Variants in NCAM1 observed in about 807,000 individuals in gnomAD.
The protein encoded by NCAM1 is antigen recognized by monoclonal antibody 5.1H11.
Under a neutral mutation model 109.8 loss-of-function variants are expected in NCAM1, and 14 were observed. The ratio of observed to expected loss-of-function variants is 0.13; its 90% CI spans 0.08 to 0.20. The LOEUF (loss-of-function observed/expected upper bound fraction) is 0.20. Among genes scored for constraint, NCAM1 ranks in the 10% least tolerant of loss-of-function variants. The pLI, the probability that NCAM1 is intolerant of heterozygous loss-of-function variation, is 1.00. For synonymous variants in NCAM1, 418 were observed against 442.9 expected (o/e 0.94, Z 0.70); for missense variants, 774 against 1,109.9 (o/e 0.70, Z 4.30).
chr11:112,985,188 A>C (rs1399230543), intron 1 of NCAM1, among the ~76,000 whole-genome samples: 1 of 150,554 alleles, frequency 6.6e-6, no homozygotes, highest in East Asian at 1.9e-4. Flanking sequence ...CACATAATGC[A>C]TGTAATGCCA....
At chr11:112,986,514 A>G (rs1951309815) in intron 1 of NCAM1, among the ~76,000 whole-genome samples, 1 of 152,082 alleles carries the variant, frequency 6.6e-6, no homozygotes, top group Non-Finnish European at 1.5e-5. Flanking sequence ...TGTTTGGTAG[A>G]ATTCACCATT....
At chr11:112,999,972 C>T (rs139915593) in intron 1 of NCAM1, among the ~76,000 whole-genome samples, 2 of 152,268 alleles carry the variant, frequency 1.3e-5, no homozygotes, top group East Asian at 3.9e-4. Flanking sequence ...TGTCCTGGTA[C>T]ACTTTCTATT....
chr11:112,975,390 G>A (rs1370215499), intron 1 of NCAM1, among the ~76,000 whole-genome samples: 2 of 151,958 alleles, frequency 1.3e-5, no homozygotes, highest in Non-Finnish European at 2.9e-5. Flanking sequence ...GGAATTGGAG[G>A]TGAAAGATGA....
intron 1 of NCAM1, among the ~76,000 whole-genome samples, chr11:113,123,882 C>T (rs1941072341): frequency 6.6e-6 from 1 of 152,186 alleles, no homozygotes; most frequent in Non-Finnish European, 1.5e-5. Context: ...GGGAAGCTCG[C>T]TCATCCTAGC....
chr11:112,994,301 C>T (rs1488256066), intron 1 of NCAM1, among the ~76,000 whole-genome samples: 3 of 152,194 alleles, frequency 2.0e-5, no homozygotes, highest in African/African-American at 7.2e-5. Context: ...GAAGGCATTA[C>T]TCATGATCTT....
chr11:113,014,707 A>C (rs1952164370), intron 1 of NCAM1, among the ~76,000 whole-genome samples: 1 of 152,226 alleles, frequency 6.6e-6, no homozygotes, highest in Non-Finnish European at 1.5e-5. Context: ...CTGTCTCCAT[A>C]GTATTGGAAA....
intron 16 of NCAM1, among the ~76,000 whole-genome samples, chr11:113,259,650 C>T (rs574380428): frequency 6.6e-6 from 1 of 151,172 alleles, no homozygotes; most frequent in African/African-American, 2.4e-5. Flanking sequence ...ACCTCCTGAC[C>T]TGTGCAATTT....
chr11:113,271,990 G>A (rs533646498), intron 19 of NCAM1, 114 bp downstream of exon 19: 235 of 718,844 alleles, frequency 3.3e-4, no homozygotes, highest in Non-Finnish European at 5.0e-4. Flanking sequence ...AACAGTTCAG[G>A]CCAGGATTCC....
intron 19 of NCAM1, among the ~76,000 whole-genome samples, chr11:113,272,228 G>A (rs1263925932): frequency 6.6e-6 from 1 of 152,072 alleles, no homozygotes; most frequent in African/African-American, 2.4e-5. Context: ...GAAATTCTAG[G>A]GTTTTGTGTT....
At chr11:113,077,269 C>T (rs186885172) in intron 1 of NCAM1, among the ~76,000 whole-genome samples, 5 of 152,186 alleles carry the variant, frequency 3.3e-5, no homozygotes, top group African/African-American at 7.2e-5. Context: ...CAAGGGAGTC[C>T]GTCAGCAAAG....
intron 1 of NCAM1, 47 bp from the exon 2 acceptor site, chr11:113,202,332 G>GTTT: frequency 1.4e-6 from 2 of 1,383,902 alleles, no homozygotes; most frequent in Admixed American, 2.1e-5. Context: ...AACTTTGTGG[G>GTTT]TTTTTTTTTG....
chr11:113,194,598 G>A (rs1307023854), intron 1 of NCAM1, among the ~76,000 whole-genome samples: 2 of 152,182 alleles, frequency 1.3e-5, no homozygotes, highest in African/African-American at 2.4e-5. Flanking sequence ...TGTATGGCTT[G>A]TCTTTATACC....
intron 1 of NCAM1, among the ~76,000 whole-genome samples, chr11:113,157,622 G>A (rs1027701194): frequency 4.6e-5 from 7 of 151,688 alleles, no homozygotes; most frequent in African/African-American, 9.7e-5. Context: ...TTATTCTGTC[G>A]GCTTTCTGAA....
chr11:113,164,882 T>C (rs1942732969), intron 1 of NCAM1, among the ~76,000 whole-genome samples: 1 of 152,138 alleles, frequency 6.6e-6, no homozygotes, highest in African/African-American at 2.4e-5. Context: ...TGCTCCAACC[T>C]TCTAATCATG....
intron 1 of NCAM1, among the ~76,000 whole-genome samples, chr11:113,146,601 G>A (rs1285300288): frequency 2.0e-5 from 3 of 152,198 alleles, no homozygotes; most frequent in African/African-American, 7.2e-5. Context: ...ATCTTTGAAT[G>A]TGAACTTGCT....
At chr11:113,272,961 G>A (rs782084418) in intron 19 of NCAM1, 6 of 456,622 alleles carry the variant, frequency 1.3e-5, no homozygotes, top group South Asian at 3.1e-5. Context: ...GGCCACTGTC[G>A]AGGACATGCT....
chr11:113,084,554 T>G (rs1565426622), intron 1 of NCAM1, among the ~76,000 whole-genome samples: 1 of 152,218 alleles, frequency 6.6e-6, no homozygotes, highest in Non-Finnish European at 1.5e-5. Flanking sequence ...TTCTTCGTGG[T>G]ATAAAAATAA....
intron 1 of NCAM1, among the ~76,000 whole-genome samples, chr11:113,143,412 C>T (rs188962823): frequency 3.3e-5 from 5 of 152,200 alleles, no homozygotes; most frequent in East Asian, 1.9e-4. Flanking sequence ...TAGTAAATGG[C>T]GCCGGATATG....
intron 1 of NCAM1, among the ~76,000 whole-genome samples, chr11:113,102,939 G>A (rs1939938800): frequency 6.6e-6 from 1 of 152,148 alleles, no homozygotes; most frequent in African/African-American, 2.4e-5. Context: ...TTGATTATTA[G>A]ACACAAAATA....
Sources: gnomAD v4.1 joint callset for allele counts (sites outside exome capture counted in the v4.1 genomes callset) on GRCh38, gnomAD v4.1.1 for gene constraint, MANE v1.5 for transcripts, NCBI Gene and HGNC (gene_info 2026-07-23, HGNC 2026-07-21) for gene names.